Variants in ZNF469 observed in about 807,000 individuals in gnomAD.
ZNF469 encodes the protein zinc finger protein 469.
In ZNF469, 1 loss-of-function variant was observed where a neutral mutation model predicts 1.0. The ratio of observed to expected loss-of-function variants is 1.00; its 90% CI spans 0.35 to 4.73. The LOEUF (loss-of-function observed/expected upper bound fraction) is 4.73, where lower values mean the gene tolerates loss of function less well. ZNF469 is among the 30% of genes most tolerant of loss of function. The pLI is 0.16. For synonymous variants in ZNF469, 2,703 were observed against 2,363.4 expected (o/e 1.14, Z -4.17); for missense variants, 6,100 against 5,356.3 (o/e 1.14, Z -4.33).
rs1012841213 is a variant in ZNF469, at chr16:88,429,855, G to A, written c.2385G>A (p.Lys795=). ...DAHAGLLSHA[K]TFLLAGDAQA... The stretch of plus-strand genomic sequence containing the variant: ...ACGCGGGCTTGCTCAGCCACGCGAA[G>A]ACCTTCCTGTTAGCTGGGGACGCCC... The change falls in exon 3 of 3, where the codon AAG becomes AAA. Residue 795 remains lysine (K), a synonymous_variant. Coordinates refer to ENST00000565624, the MANE Select transcript of ZNF469 (RefSeq NM_001367624.2). 3 of 1,549,794 alleles carry A rather than the reference G, an allele frequency of 1.9e-6. 1 individual carries two copies. The highest frequency in any genetic ancestry group is 3.3e-4 in the Middle Eastern group (2 of 5,992).
the ZNF469 span, among the ~76,000 whole-genome samples, chr16:88,309,419 T>C: frequency 2.7e-5 from 4 of 150,768 alleles, no homozygotes; most frequent in East Asian, 2.0e-4. Flanking sequence ...GAGTGCCCTC[T>C]GAGGTCCCCT....
At chr16:88,347,787 G>A in the ZNF469 span, among the ~76,000 whole-genome samples, 8,236 of 152,250 alleles carry the variant, frequency 0.054, 740 homozygotes, top group African/African-American at 0.19. Context: ...TCAAGTCCTG[G>A]GCCACGCCCA....
At chr16:88,206,608 G>T in the ZNF469 span, among the ~76,000 whole-genome samples, 3 of 151,864 alleles carry the variant, frequency 2.0e-5, no homozygotes, top group Non-Finnish European at 2.9e-5. Flanking sequence ...CTCTGGTCCA[G>T]CCCAGCAGCC....
chr16:88,374,323 T>C, the ZNF469 span, among the ~76,000 whole-genome samples: 1 of 152,114 alleles, frequency 6.6e-6, no homozygotes, highest in East Asian at 1.9e-4. Flanking sequence ...GTTTGCTAGC[T>C]GGCAAAGCTG....
upstream of ZNF469, among the ~76,000 whole-genome samples, chr16:88,377,974 AC>A (rs2092513555): frequency 6.6e-6 from 1 of 152,144 alleles, no homozygotes; most frequent in Non-Finnish European, 1.5e-5. Context: ...AGGAAGCCTG[AC>A]CCAGGGACGG....
chr16:88,385,770 G>C (rs1357383039), intron 1 of ZNF469, among the ~76,000 whole-genome samples: 1 of 152,172 alleles, frequency 6.6e-6, no homozygotes, highest in East Asian at 1.9e-4. Flanking sequence ...GGGGCTGTGT[G>C]GCCTTGGGTG....
At chr16:88,167,858 A>G in the ZNF469 span, among the ~76,000 whole-genome samples, 1 of 152,198 alleles carries the variant, frequency 6.6e-6, no homozygotes, top group South Asian at 2.1e-4. Flanking sequence ...TACAGCGATG[A>G]TCTGATTAGG....
the ZNF469 span, among the ~76,000 whole-genome samples, chr16:88,199,273 C>A: frequency 6.6e-6 from 1 of 152,228 alleles, no homozygotes; most frequent in African/African-American, 2.4e-5. Context: ...CCCCAGGAGG[C>A]AGGAACAGGT....
chr16:88,191,320 C>G, the ZNF469 span, among the ~76,000 whole-genome samples: 4 of 152,230 alleles, frequency 2.6e-5, no homozygotes, highest in Admixed American at 6.5e-5. Flanking sequence ...GGCCACGGAG[C>G]TCTCGGAATG....
chr16:88,128,362 A>G, the ZNF469 span, among the ~76,000 whole-genome samples: 1 of 152,094 alleles, frequency 6.6e-6, no homozygotes, highest in Non-Finnish European at 1.5e-5. Context: ...ATTGAATTCC[A>G]TGATATAGCA....
chr16:88,254,841 A>G, the ZNF469 span, among the ~76,000 whole-genome samples: 5 of 150,078 alleles, frequency 3.3e-5, no homozygotes, highest in Non-Finnish European at 7.4e-5. Context: ...GACTTCCACA[A>G]AAAAAAAAAT....
At chr16:88,302,890 G>A in the ZNF469 span, among the ~76,000 whole-genome samples, 269 of 152,328 alleles carry the variant, frequency 1.8e-3, 1 homozygote, top group African/African-American at 6.3e-3. Flanking sequence ...GCCAGCTGTG[G>A]GGCTGCCGAA....
the ZNF469 span, among the ~76,000 whole-genome samples, chr16:88,202,207 C>T: frequency 6.6e-6 from 1 of 152,210 alleles, no homozygotes; most frequent in African/African-American, 2.4e-5. Flanking sequence ...AAGGATCACA[C>T]ACCTTGTTCC....
At chr16:88,391,792 G>T (rs1402071550) in intron 1 of ZNF469, among the ~76,000 whole-genome samples, 1 of 152,222 alleles carries the variant, frequency 6.6e-6, no homozygotes, top group African/African-American at 2.4e-5. Context: ...AACATCTCTT[G>T]GCTGGAAATT....
chr16:88,391,754 C>T (rs1472648077), intron 1 of ZNF469, among the ~76,000 whole-genome samples: 4 of 152,338 alleles, frequency 2.6e-5, no homozygotes, highest in East Asian at 3.9e-4. Context: ...CATCGGCTTT[C>T]AAGAGAAGCC....
rs986778776 is a variant in ZNF469 at position 88,440,689 on chromosome 16, G to A, written c.*1357G>A. The A allele has an allele frequency of 6.6e-6, 1 of 152,144 alleles. No homozygotes were observed. The highest frequency in any genetic ancestry group is 2.1e-4 in the South Asian group (1 of 4,826). 9.4% of individuals were successfully genotyped at this position (152,144 alleles called of 1,614,324 possible). On this transcript the variant is annotated 3_prime_UTR_variant, in exon 3 of 3. Coordinates refer to ENST00000565624, the MANE Select transcript of ZNF469 (RefSeq NM_001367624.2). Reference sequence around the variant, plus strand: ...CAAACCAAGTGCGGAGGGGCCCTGAGGTTGTACTGTAAACATCATAGTGAC... The same window carrying A: ...CAAACCAAGTGCGGAGGGGCCCTGAAGTTGTACTGTAAACATCATAGTGAC...
At chr16:88,278,654 G>A in the ZNF469 span, among the ~76,000 whole-genome samples, 7,745 of 133,526 alleles carry the variant, frequency 0.058, 1,010 homozygotes, top group African/African-American at 0.19. Context: ...GCTGCCTCAC[G>A]CCGATGCTCG....
In ZNF469 at chr16:88,439,318, G is replaced by A; in HGVS notation, c.11848G>A (p.Asp3950Asn). The A allele has an allele frequency of 6.5e-7, 1 of 1,550,352 alleles. No individual in the cohort carries two copies. ...LTGFKIPLKK[D>N]ASE ...TGGCTTCAAAATCCCTTTAAAGAAAGATGCTTCCGAGTAATTTCTAGGAGC... is the reference window on the plus strand; with the variant it reads ...TGGCTTCAAAATCCCTTTAAAGAAAAATGCTTCCGAGTAATTTCTAGGAGC... Residue 3950 changes from aspartate to asparagine, a missense_variant, in exon 3 of 3, where the codon GAT (aspartate) becomes AAT (asparagine). Coordinates refer to ENST00000565624, the MANE Select transcript of ZNF469 (RefSeq NM_001367624.2).
Position 88,431,051 on chromosome 16 carries a change from G to GT in ZNF469, c.3581_3582insT (p.Ser1196LeufsTer34). 6.5e-7 allele frequency: 1 copy of GT among 1,548,228 alleles called. No individual in the cohort carries two copies. The highest frequency in any genetic ancestry group is 8.7e-7 in the Non-Finnish European group (1 of 1,146,716). ...GAGGGAGGCCCCAAGTGTGCTGATC[G>GT]CCCCTCAGTGGCCCCCAAGGATCCC... On this transcript the variant is annotated frameshift_variant, in exon 3 of 3. Coordinates refer to ENST00000565624, the MANE Select transcript of ZNF469 (RefSeq NM_001367624.2). LOFTEE classifies it low-confidence loss of function (END_TRUNC).
Sources: gnomAD v4.1 joint callset for allele counts (sites outside exome capture counted in the v4.1 genomes callset) on GRCh38, gnomAD v4.1.1 for gene constraint, MANE v1.5 for transcripts, NCBI Gene and HGNC (gene_info 2026-07-23, HGNC 2026-07-21) for gene names.